Variants in SREK1IP1 observed in about 807,000 individuals in gnomAD.
SREK1IP1 encodes SREK1 interacting protein 1, also known as protein SREK1IP1.
Under a neutral mutation model 22.8 loss-of-function variants are expected in SREK1IP1, and 12 were observed. That is an observed-to-expected ratio of 0.53 (90% CI 0.34 to 0.85). The LOEUF is 0.85. SREK1IP1 is among the 40% of genes least tolerant of loss of function. The probability of loss-of-function intolerance (pLI) is 0.02; values close to 1 mark genes in which losing one functional copy is unlikely to be tolerated. For missense variants in SREK1IP1, 147 were observed against 171.8 expected, an observed-to-expected ratio of 0.86 and a Z score of 0.81; for synonymous variants, 53 against 52.7, an observed-to-expected ratio of 1.01 and a Z score of -0.02.
At position 64,754,357 on chromosome 5, in the gene SREK1IP1, T is replaced by G. The variant is rs752369457; in HGVS notation, c.19A>C (p.Asn7His). The part of the protein sequence containing the change: MAVPGC[N>H]KDSVRAGCKK... ...CAGCCTGCTCTGACACTGTCCTTGT[T>G]GCAACCTGAAATACAATTGGATAGA... The change falls in exon 2 of 5, where the codon AAC becomes CAC. Residue 7 changes from asparagine to histidine, a missense_variant. This residue lies in a region of SREK1IP1 where 62 missense variants were observed against 73.3 expected (regional missense o/e 0.85). Coordinates refer to ENST00000513458, the MANE Select transcript of SREK1IP1 (RefSeq NM_173829.4). The G allele has an allele frequency of 6.8e-6, 11 of 1,613,788 alleles. No individual in the cohort carries two copies. The East Asian group carries it at 2.5e-4, about 36-fold the overall frequency.
At chr5:64,727,589 T>C (rs1742298593) in intron 4 of SREK1IP1, 1 of 142,176 alleles carries the variant, frequency 7.0e-6, no homozygotes, top group Admixed American at 7.1e-5. Context: ...GCAGATAGGG[T>C]CTTGCTGTGT....
intron 3 of SREK1IP1, among the ~76,000 whole-genome samples, chr5:64,736,915 C>CTT (rs563372606): frequency 2.1e-4 from 28 of 131,304 alleles, no homozygotes; most frequent in African/African-American, 2.7e-4. Context: ...TGTCTCTCTT[C>CTT]TTTTTTTTTT....
intron 3 of SREK1IP1, among the ~76,000 whole-genome samples, chr5:64,737,692 C>G (rs1003371970): frequency 6.6e-6 from 1 of 151,228 alleles, no homozygotes; most frequent in Non-Finnish European, 1.5e-5. Flanking sequence ...TAGACTAACT[C>G]AGAAAAAAGA....
intron 1 of SREK1IP1, chr5:64,754,771 C>A (rs985681680): frequency 3.2e-5 from 5 of 155,284 alleles, no homozygotes; most frequent in African/African-American, 1.2e-4. Context: ...GAATTTATTT[C>A]TTTAAGAAAC....
chr5:64,734,492 CT>C (rs150375379), intron 3 of SREK1IP1, among the ~76,000 whole-genome samples: 2 of 150,144 alleles, frequency 1.3e-5, no homozygotes, highest in African/African-American at 2.4e-5. Flanking sequence ...ATTGTGATTC[CT>C]TTTTTTTTAA....
chr5:64,752,455 A>G (rs1416314281), intron 2 of SREK1IP1, among the ~76,000 whole-genome samples: 1 of 152,032 alleles, frequency 6.6e-6, no homozygotes, highest in East Asian at 1.9e-4. Flanking sequence ...CTGGCCTGTG[A>G]ATTTCTTTTA....
intron 1 of SREK1IP1, chr5:64,765,123 T>C (rs1238343995): frequency 6.6e-6 from 1 of 152,238 alleles, no homozygotes; most frequent in Non-Finnish European, 1.5e-5. Flanking sequence ...TTTCAACAAC[T>C]GTGAATGGGA....
At chr5:64,748,719 A>G (rs893130901) in intron 2 of SREK1IP1, among the ~76,000 whole-genome samples, 2 of 152,120 alleles carry the variant, frequency 1.3e-5, no homozygotes, top group African/African-American at 4.8e-5. Flanking sequence ...ACACAACTCT[A>G]TGGGATTAGG....
rs1238140831 is a variant in SREK1IP1 at position 64,749,097 on chromosome 5, TAATAATAATAAA to T, written c.61+5206_61+5217del. On this transcript the variant is annotated intron_variant, in intron 2 of 4. Coordinates refer to ENST00000513458, the MANE Select transcript of SREK1IP1 (RefSeq NM_173829.4). ...ATAATAATAATAATAATAATAATAA[TAATAATAATAAA>T]AACCCTCCAGTTTCATGTTTCATTT... Among the ~76,000 whole-genome samples, 8 of 140,874 alleles carry T rather than the reference TAATAATAATAAA, an allele frequency of 5.7e-5. No individual in the cohort carries two copies. In the East Asian group the frequency reaches 1.4e-3, roughly 24 times the overall value. The allele number at this position is 140,874 out of a possible 152,430, so 92.4% of individuals were successfully genotyped here.
rs1047258300 is a variant in SREK1IP1, at chr5:64,718,852, T to C, written c.*5532A>G. On this transcript the variant is annotated 3_prime_UTR_variant, in exon 5 of 5. Coordinates refer to ENST00000513458, the MANE Select transcript of SREK1IP1 (RefSeq NM_173829.4). ...TACTGAGCATATCTACTATGTCCTG[T>C]AGTTTTTGTAGTCAGAAACTAGCAT... 1 of 152,228 alleles carries C rather than the reference T, an allele frequency of 6.6e-6. No individual in the cohort carries two copies. Among genetic ancestry groups the C allele is most frequent in the Non-Finnish European group, 1.5e-5 (1 of 68,032 alleles). 9.4% of individuals were successfully genotyped at this position (152,228 alleles called of 1,614,324 possible).
chr5:64,755,831 T>A (rs1742828851), intron 1 of SREK1IP1, among the ~76,000 whole-genome samples: 1 of 151,698 alleles, frequency 6.6e-6, no homozygotes, highest in South Asian at 2.1e-4. Context: ...GTAAAATAAT[T>A]TATATATATA....
Position 64,724,522 on chromosome 5 carries a change from T to C in SREK1IP1, c.330A>G (p.Gln110=), listed in dbSNP as rs1223005443. The change falls in exon 5 of 5, where the codon CAA becomes CAG. Residue 110 remains glutamine (Q), a synonymous_variant. Transcript: ENST00000513458. ...TTTTCTTTTCTTTCTTCTGATATTTTTGTTTCTTTTGTTTTGAAGTGTCCT... is the reference window on the plus strand; with the variant it reads ...TTTTCTTTTCTTTCTTCTGATATTTCTGTTTCTTTTGTTTTGAAGTGTCCT... ...TEEDTSKQKK[Q]KYQKKEKKKE... is the part of the protein sequence containing the mutation. 2 of 1,590,030 alleles carry C rather than the reference T, an allele frequency of 1.3e-6. No homozygotes were observed. The highest frequency in any genetic ancestry group is 1.2e-5 in the South Asian group (1 of 85,000).
At chr5:64,731,928 C>A (rs1742388252) in intron 3 of SREK1IP1, among the ~76,000 whole-genome samples, 1 of 152,004 alleles carries the variant, frequency 6.6e-6, no homozygotes, top group African/African-American at 2.4e-5. Flanking sequence ...CAATGGTTGG[C>A]ATACTAAGTT....
intron 3 of SREK1IP1, among the ~76,000 whole-genome samples, chr5:64,738,748 T>C (rs942762908): frequency 6.6e-6 from 1 of 152,120 alleles, no homozygotes; most frequent in East Asian, 1.9e-4. Flanking sequence ...CTTCAGCAAA[T>C]GGTCTTGGGT....
intron 3 of SREK1IP1, among the ~76,000 whole-genome samples, chr5:64,728,716 CTTTT>C (rs150542165): frequency 6.6e-6 from 1 of 151,780 alleles, no homozygotes; most frequent in South Asian, 2.1e-4. Flanking sequence ...TATTTTGCAG[CTTTT>C]TTTTCACTTA....
chr5:64,767,260 A>G (rs1743052071), intron 1 of SREK1IP1, among the ~76,000 whole-genome samples: 1 of 151,920 alleles, frequency 6.6e-6, no homozygotes, highest in Non-Finnish European at 1.5e-5. Flanking sequence ...CCCATCCTGT[A>G]TGTGTTTGGT....
rs890156662 is a variant in SREK1IP1 at position 64,720,203 on chromosome 5, T to G, written c.*4181A>C. 6.6e-6 allele frequency: 1 copy of G among 152,206 alleles called. No homozygotes were observed. The highest frequency in any genetic ancestry group is 1.5e-5 in the Non-Finnish European group (1 of 68,020). 9.4% of individuals were successfully genotyped at this position (152,206 alleles called of 1,614,324 possible). Reference sequence around the variant, plus strand: ...GAATTTAAGTCAGTCAAAAATAACCTAAAATACAATTAAGAACAAAACACA... The same window carrying G: ...GAATTTAAGTCAGTCAAAAATAACCGAAAATACAATTAAGAACAAAACACA... On this transcript the variant is annotated 3_prime_UTR_variant, in exon 5 of 5. Coordinates refer to ENST00000513458, the MANE Select transcript of SREK1IP1 (RefSeq NM_173829.4).
At chr5:64,733,035 A>G (rs1004850248) in intron 3 of SREK1IP1, among the ~76,000 whole-genome samples, 1 of 152,142 alleles carries the variant, frequency 6.6e-6, no homozygotes, top group African/African-American at 2.4e-5. Context: ...TTACATAAAA[A>G]TCAACTCAAA....
At chr5:64,755,236 A>G (rs1045571409) in intron 1 of SREK1IP1, among the ~76,000 whole-genome samples, 3 of 150,754 alleles carry the variant, frequency 2.0e-5, no homozygotes, top group Admixed American at 6.6e-5. Flanking sequence ...AAAAAAAATC[A>G]TTTTACCAAA....
Sources: allele counts gnomAD v4.1 joint callset (sites outside exome capture counted in the v4.1 genomes callset), GRCh38; gene constraint gnomAD v4.1.1; regional missense constraint gnomAD v4.1.1; transcripts MANE v1.5; gene names NCBI Gene and HGNC (gene_info 2026-07-23, HGNC 2026-07-21).